Variants in SEMA3A observed in about 807,000 individuals in gnomAD.
The protein encoded by SEMA3A is semaphorin-3A.
In SEMA3A, 29 loss-of-function variants were observed where a neutral mutation model predicts 97.9. That is an observed-to-expected ratio of 0.30 (90% CI 0.22 to 0.40). The LOEUF (loss-of-function observed/expected upper bound fraction) is 0.40, where lower values mean the gene tolerates loss of function less well. Ranked by LOEUF, SEMA3A falls within the 10% of genes least tolerant of loss-of-function variation. The probability of loss-of-function intolerance (pLI) is 1.00; values close to 1 mark genes in which losing one functional copy is unlikely to be tolerated. For missense variants in SEMA3A, 763 were observed against 951.3 expected, an observed-to-expected ratio of 0.80 and a Z score of 2.60; for synonymous variants, 321 against 323.7, an observed-to-expected ratio of 0.99 and a Z score of 0.09.
intron 4 of SEMA3A, among the ~76,000 whole-genome samples, chr7:84,089,292 A>C (rs192809563): frequency 8.1e-4 from 123 of 152,324 alleles, no homozygotes; most frequent in African/African-American, 2.8e-3. Context: ...TGCAACTAGT[A>C]TAACTGGTAC....
chr7:84,372,539 A>G (rs1208875592), intron 1 of SEMA3A, among the ~76,000 whole-genome samples: 1 of 152,090 alleles, frequency 6.6e-6, no homozygotes, highest in Non-Finnish European at 1.5e-5. Flanking sequence ...AATGGTGACT[A>G]GTTTAATGAG....
chr7:84,240,727 G>A (rs980117948), intron 3 of SEMA3A, among the ~76,000 whole-genome samples: 57 of 152,178 alleles, frequency 3.7e-4, no homozygotes, highest in African/African-American at 1.3e-3. Flanking sequence ...ATGTACATTA[G>A]GTGTTTCTCC....
chr7:84,272,464 T>C (rs925490730), intron 3 of SEMA3A, among the ~76,000 whole-genome samples: 15 of 152,046 alleles, frequency 9.9e-5, no homozygotes, highest in Non-Finnish European at 4.4e-5. Flanking sequence ...AATGAAGTAA[T>C]AGAAAAAAAT....
intron 15 of SEMA3A, among the ~76,000 whole-genome samples, chr7:83,967,787 A>C (rs533085083): frequency 4.2e-4 from 64 of 152,046 alleles, no homozygotes; most frequent in Non-Finnish European, 8.2e-4. Context: ...TCAATTTTAA[A>C]AATTTTGTTT....
chr7:84,313,356 GTATATATATATATATATATATATATA>G (rs869145201), intron 2 of SEMA3A, among the ~76,000 whole-genome samples: 753 of 23,054 alleles, frequency 0.033, 27 homozygotes, highest in African/African-American at 0.083. Context: ...ATGTGTGTGT[GTATATATATATATATATATATATATA>G]TATATATATA....
chr7:84,478,106 G>A (rs1292239264), intron 1 of SEMA3A, among the ~76,000 whole-genome samples: 1 of 152,102 alleles, frequency 6.6e-6, no homozygotes, highest in Admixed American at 6.6e-5. Flanking sequence ...TTGAAATTTA[G>A]TGGTAAGAGA....
chr7:84,046,532 G>C, intron 5 of SEMA3A, 89 bp from the exon 6 acceptor site: 1 of 1,473,564 alleles, frequency 6.8e-7, no homozygotes, highest in Non-Finnish European at 9.4e-7. Flanking sequence ...CAAGTTTCAT[G>C]TTATGACCAT....
rs545984174 is a variant in SEMA3A at position 84,378,360 on chromosome 7, C to T, written c.-245-6460G>A. On this transcript the variant is annotated intron_variant, in intron 1 of 3. Coordinates refer to the SEMA3A transcript ENST00000424555. ...TAAAGAAAATGTGGCACATATACAC[C>T]ATGGAATACTATGCAGTCATAAAAA... Among the ~76,000 whole-genome samples the T allele has an allele frequency of 3.9e-5, 6 of 152,114 alleles. No homozygotes were observed. The South Asian group carries it at 1.2e-3, about 32-fold the overall frequency.
chr7:84,007,266 C>T lies in SEMA3A; in HGVS notation c.1140+87G>A. The T allele has an allele frequency of 2.8e-6, 3 of 1,053,326 alleles. No homozygotes were observed. The South Asian group carries it at 6.7e-5, about 24-fold the overall frequency. 65.2% of individuals were successfully genotyped at this position (1,053,326 alleles called of 1,614,324 possible). ...AATCTTTTTTCTACATTACAGGATA[C>T]ATTTAATATCTGTCTGTAGCTGCAT... On this transcript the variant is annotated intron_variant, in intron 10 of 16. Transcript: ENST00000265362.
In SEMA3A at chr7:84,001,940, T is replaced by C; in HGVS notation, c.1452+15A>G. 6.3e-7 allele frequency: 1 copy of C among 1,579,516 alleles called. No individual in the cohort carries two copies. Among genetic ancestry groups the C allele is most frequent in the Non-Finnish European group, 8.7e-7 (1 of 1,150,968 alleles). On this transcript the variant is annotated intron_variant, in intron 12 of 16. Coordinates refer to ENST00000265362, the MANE Select transcript of SEMA3A (RefSeq NM_006080.3). Reference sequence around the variant, plus strand: ...CAACTGAACTTGTTGACACTTGAAATTAAGCAGCACTCACCCGAAAAACTG... The same window carrying C: ...CAACTGAACTTGTTGACACTTGAAACTAAGCAGCACTCACCCGAAAAACTG...
At chr7:84,092,681 T>A (rs1235328909) in intron 4 of SEMA3A, among the ~76,000 whole-genome samples, 3 of 152,240 alleles carry the variant, frequency 2.0e-5, no homozygotes, top group Middle Eastern at 3.4e-3. Context: ...ATCTAGCAAA[T>A]TCCAGTATTA....
intron 2 of SEMA3A, among the ~76,000 whole-genome samples, chr7:84,334,682 T>A (rs1373756053): frequency 7.0e-6 from 1 of 143,358 alleles, no homozygotes; most frequent in Non-Finnish European, 1.5e-5. Flanking sequence ...TTCCCCAACC[T>A]CAATCCTCCC....
chr7:84,224,451 G>A (rs558788227), intron 3 of SEMA3A, among the ~76,000 whole-genome samples: 3 of 152,002 alleles, frequency 2.0e-5, no homozygotes, highest in African/African-American at 7.2e-5. Flanking sequence ...AAATTGTCTG[G>A]TAAACACACC....
intron 3 of SEMA3A, among the ~76,000 whole-genome samples, chr7:84,288,451 C>A (rs1345991424): frequency 6.6e-6 from 1 of 151,874 alleles, no homozygotes; most frequent in Non-Finnish European, 1.5e-5. Flanking sequence ...GTTCAAAGAC[C>A]ATTTGGGGGG....
intron 12 of SEMA3A, among the ~76,000 whole-genome samples, chr7:83,986,113 T>C (rs1202319571): frequency 6.6e-6 from 1 of 152,174 alleles, no homozygotes; most frequent in East Asian, 1.9e-4. Context: ...CTGATGTTGG[T>C]ATTCTGCGAA....
At chr7:84,233,670 T>C (rs1459366724) in intron 3 of SEMA3A, among the ~76,000 whole-genome samples, 1 of 152,036 alleles carries the variant, frequency 6.6e-6, no homozygotes, top group Non-Finnish European at 1.5e-5. Flanking sequence ...AATAATACCA[T>C]AGTGCTGTCC....
At chr7:84,440,495 C>T (rs1316202413) in intron 1 of SEMA3A, among the ~76,000 whole-genome samples, 1 of 152,116 alleles carries the variant, frequency 6.6e-6, no homozygotes, top group Non-Finnish European at 1.5e-5. Flanking sequence ...GCTGAAGTGA[C>T]TTTTATGGGA....
chr7:84,272,838 C>T (rs1357185849), intron 3 of SEMA3A, among the ~76,000 whole-genome samples: 1 of 152,012 alleles, frequency 6.6e-6, no homozygotes, highest in African/African-American at 2.4e-5. Context: ...CTTTTTTCCA[C>T]CTTAAGAAAT....
At chr7:84,077,091 A>G (rs1393596967) in intron 4 of SEMA3A, among the ~76,000 whole-genome samples, 1 of 152,126 alleles carries the variant, frequency 6.6e-6, no homozygotes, top group Non-Finnish European at 1.5e-5. Flanking sequence ...ATGAAAGGGA[A>G]AATTCTATCT....
Sources: allele counts gnomAD v4.1 joint callset (sites outside exome capture counted in the v4.1 genomes callset), GRCh38; gene constraint gnomAD v4.1.1; transcripts MANE v1.5; gene names NCBI Gene and HGNC (gene_info 2026-07-23, HGNC 2026-07-21).